Variants in FSTL5 observed in about 807,000 individuals in gnomAD.
The protein encoded by FSTL5 is follistatin like 5.
FSTL5 carries 62 observed loss-of-function variants against 89.1 expected under a neutral mutation model. The observed-to-expected ratio is 0.70, with a 90% confidence interval of 0.57 to 0.86. FSTL5 has a LOEUF of 0.86. Among genes scored for constraint, FSTL5 ranks in the 40% least tolerant of loss-of-function variants. FSTL5 has a pLI of 0.00. For missense variants in FSTL5, 1,057 were observed against 1,001.6 expected (o/e 1.06, Z -0.75); for synonymous variants, 383 against 346.2 (o/e 1.11, Z -1.18).
chr4:162,045,840 T>C (rs1738152447), intron 2 of FSTL5, among the ~76,000 whole-genome samples: 2 of 152,184 alleles, frequency 1.3e-5, no homozygotes, highest in South Asian at 4.1e-4. Context: ...GGACAATGTT[T>C]GTTAGTATTC....
At chr4:161,746,361 G>A (rs1218926001) in intron 6 of FSTL5, among the ~76,000 whole-genome samples, 1 of 152,052 alleles carries the variant, frequency 6.6e-6, no homozygotes, top group Non-Finnish European at 1.5e-5. Flanking sequence ...CATAACTTCT[G>A]ATTTACCCAA....
chr4:161,774,976 G>C (rs900139553), intron 5 of FSTL5, among the ~76,000 whole-genome samples: 6 of 152,112 alleles, frequency 3.9e-5, no homozygotes, highest in Non-Finnish European at 8.8e-5. Context: ...TAATTAGTTT[G>C]AATGATGATA....
At chr4:161,881,510 C>A (rs1045007360) in intron 4 of FSTL5, among the ~76,000 whole-genome samples, 1 of 151,954 alleles carries the variant, frequency 6.6e-6, no homozygotes, top group African/African-American at 2.4e-5. Flanking sequence ...TATTTAAGTT[C>A]TCGAAATCAT....
intron 3 of FSTL5, among the ~76,000 whole-genome samples, chr4:161,948,396 G>A (rs1484849310): frequency 6.6e-6 from 1 of 150,972 alleles, no homozygotes; most frequent in Non-Finnish European, 1.5e-5. Flanking sequence ...GTCAGGTGGA[G>A]AGAAATGTTT....
rs192944684 is a variant in FSTL5 at position 161,900,464 on chromosome 4, C to T, written c.409+19940G>A. 6.1e-3 allele frequency among the ~76,000 whole-genome samples: 918 copies of T among 150,158 alleles called. 14 individuals carry two copies. The highest frequency in any genetic ancestry group is 0.021 in the African/African-American group (840 of 40,888). ...GACCAGCCTGATCAACATGGTGAAA[C>T]ACTGCCTCTACTAAAAACACAAAAA... On this transcript the variant is annotated intron_variant, in intron 4 of 15. Coordinates refer to ENST00000306100, the MANE Select transcript of FSTL5 (RefSeq NM_020116.5).
intron 8 of FSTL5, among the ~76,000 whole-genome samples, chr4:161,556,093 A>G (rs1189302426): frequency 6.6e-6 from 1 of 151,654 alleles, no homozygotes; most frequent in Admixed American, 6.6e-5. Context: ...ATCTAGGAAT[A>G]GATTTAGTCA....
At chr4:161,498,183 T>A (rs1161291392) in intron 12 of FSTL5, among the ~76,000 whole-genome samples, 1 of 152,000 alleles carries the variant, frequency 6.6e-6, no homozygotes, top group Non-Finnish European at 1.5e-5. Flanking sequence ...ATATACACAA[T>A]TCTACATTGT....
At chr4:161,801,041 G>A (rs1729775065) in intron 4 of FSTL5, among the ~76,000 whole-genome samples, 1 of 151,528 alleles carries the variant, frequency 6.6e-6, no homozygotes, top group South Asian at 2.1e-4. Context: ...GTTTCACTAA[G>A]CAGCTTAGAG....
intron 4 of FSTL5, among the ~76,000 whole-genome samples, chr4:161,909,574 C>T (rs1313571857): frequency 6.6e-6 from 1 of 152,130 alleles, no homozygotes; most frequent in African/African-American, 2.4e-5. Flanking sequence ...ATTTCCCAAA[C>T]CTTCTCTGTT....
At chr4:161,794,538 G>T (rs1393832028) in intron 4 of FSTL5, among the ~76,000 whole-genome samples, 9 of 152,120 alleles carry the variant, frequency 5.9e-5, no homozygotes, top group Admixed American at 4.6e-4. Context: ...TGCCTCACAG[G>T]TATCATTCAC....
intron 8 of FSTL5, among the ~76,000 whole-genome samples, chr4:161,583,201 AAAATAAAT>A (rs1313078373): frequency 6.6e-6 from 1 of 152,030 alleles, no homozygotes; most frequent in African/African-American, 2.4e-5. Flanking sequence ...ACTCCGTCTC[AAAATAAAT>A]AAATAAATAA....
At chr4:161,918,070 T>C (rs1477927701) in intron 4 of FSTL5, among the ~76,000 whole-genome samples, 1 of 152,170 alleles carries the variant, frequency 6.6e-6, no homozygotes, top group Non-Finnish European at 1.5e-5. Context: ...ATTGGGCCAC[T>C]ATAGCAAGTA....
chr4:161,414,141 G>A (rs1427196684), intron 15 of FSTL5, among the ~76,000 whole-genome samples: 1 of 152,092 alleles, frequency 6.6e-6, no homozygotes, highest in African/African-American at 2.4e-5. Flanking sequence ...AAAAATTAAA[G>A]TAAATAATTT....
intron 4 of FSTL5, among the ~76,000 whole-genome samples, chr4:161,819,943 ATTAAGTTTTTTTTAACTTTTTCAG>A (rs569137100): frequency 9.5e-4 from 145 of 152,170 alleles, no homozygotes; most frequent in African/African-American, 3.2e-3. Context: ...GTAAAAAAAA[ATTAAGTTTTTTTTAACTTTTTCAG>A]TAATTTTCTC....
chr4:161,529,653 A>G (rs1391832096), intron 10 of FSTL5, among the ~76,000 whole-genome samples: 1 of 141,990 alleles, frequency 7.0e-6, no homozygotes, highest in Non-Finnish European at 1.5e-5. Context: ...AATAAAATAT[A>G]TGAAAATTAA....
chr4:161,631,248 CTCT>C (rs1167789514), intron 7 of FSTL5, among the ~76,000 whole-genome samples: 2 of 152,126 alleles, frequency 1.3e-5, no homozygotes, highest in African/African-American at 4.8e-5. Context: ...ATTATTCTAC[CTCT>C]TCTTGTCTTT....
At chr4:161,657,272 G>T (rs1222550818) in intron 6 of FSTL5, among the ~76,000 whole-genome samples, 1 of 152,152 alleles carries the variant, frequency 6.6e-6, no homozygotes, top group Non-Finnish European at 1.5e-5. Context: ...AGATGACTAG[G>T]ATAATGTCTG....
intron 3 of FSTL5, among the ~76,000 whole-genome samples, chr4:161,964,172 C>T (rs1319671110): frequency 6.6e-6 from 1 of 151,830 alleles, no homozygotes; most frequent in Non-Finnish European, 1.5e-5. Flanking sequence ...ATTGAGGTGG[C>T]TTTTATTGTA....
chr4:162,082,514 T>C (rs1385234345), intron 2 of FSTL5, among the ~76,000 whole-genome samples: 1 of 135,514 alleles, frequency 7.4e-6, no homozygotes, highest in African/African-American at 2.7e-5. Flanking sequence ...TTTGTTCAAT[T>C]TGAGGATAAA....
Sources: gnomAD v4.1 joint callset for allele counts (sites outside exome capture counted in the v4.1 genomes callset) on GRCh38, gnomAD v4.1.1 for gene constraint, MANE v1.5 for transcripts, NCBI Gene and HGNC (gene_info 2026-07-23, HGNC 2026-07-21) for gene names.